TRPM3: variants seen among roughly 807,000 people sequenced by gnomAD.
TRPM3 encodes the protein transient receptor potential cation channel subfamily M member 3, also known as long transient receptor potential channel 3.
A neutral mutation model predicts 181.2 loss-of-function variants in TRPM3; 77 were observed. That is an observed-to-expected ratio of 0.42 (90% CI 0.35 to 0.51). The LOEUF (loss-of-function observed/expected upper bound fraction) is 0.51, where lower values mean the gene tolerates loss of function less well. Among genes scored for constraint, TRPM3 ranks in the 20% least tolerant of loss-of-function variants. TRPM3 has a pLI of 0.01. For missense variants in TRPM3, 1,759 were observed against 2,196.7 expected (o/e 0.80, Z 3.98); for synonymous variants, 745 against 796.4 (o/e 0.94, Z 1.09).
intron 1 of TRPM3, among the ~76,000 whole-genome samples, chr9:71,262,515 G>A (rs1316404944): frequency 3.3e-5 from 5 of 152,160 alleles, no homozygotes; most frequent in African/African-American, 1.2e-4. Flanking sequence ...TCCTTTCCAA[G>A]GGAGTGAACA....
At chr9:71,113,770 C>G (rs748580921) in intron 1 of TRPM3, among the ~76,000 whole-genome samples, 6 of 152,100 alleles carry the variant, frequency 3.9e-5, no homozygotes, top group Admixed American at 6.6e-5. Context: ...CAATTTTTAA[C>G]AATAAAAATG....
chr9:70,579,190 G>A (rs1353417896), intron 22 of TRPM3: 1 of 152,396 alleles, frequency 6.6e-6, no homozygotes, highest in African/African-American at 2.4e-5. Context: ...ATGTTGCCCA[G>A]GCTGGAGTGC....
At chr9:70,571,024 A>G (rs1306654238) in intron 22 of TRPM3, among the ~76,000 whole-genome samples, 1 of 152,202 alleles carries the variant, frequency 6.6e-6, no homozygotes, top group Non-Finnish European at 1.5e-5. Context: ...TGAGCTGGCC[A>G]GAAAATGTCT....
At chr9:70,979,764 T>C (rs28697055) in intron 1 of TRPM3, among the ~76,000 whole-genome samples, 1 of 152,058 alleles carries the variant, frequency 6.6e-6, no homozygotes, top group African/African-American at 2.4e-5. Flanking sequence ...CTCACAGTTC[T>C]GGAGGCTGAA....
chr9:70,984,228 G>A (rs1476736912), intron 1 of TRPM3, among the ~76,000 whole-genome samples: 1 of 152,186 alleles, frequency 6.6e-6, no homozygotes, highest in African/African-American at 2.4e-5. Flanking sequence ...GTCATTGCCT[G>A]CTACATAACA....
At chr9:71,197,004 G>T (rs1376620925) in intron 1 of TRPM3, among the ~76,000 whole-genome samples, 2 of 151,930 alleles carry the variant, frequency 1.3e-5, no homozygotes, top group Admixed American at 6.6e-5. Flanking sequence ...ATCTCCCAAT[G>T]CTATCTCTCC....
chr9:71,104,296 T>C (rs2069024836), intron 1 of TRPM3, among the ~76,000 whole-genome samples: 1 of 152,178 alleles, frequency 6.6e-6, no homozygotes, highest in Non-Finnish European at 1.5e-5. Flanking sequence ...TTGTAAAACT[T>C]CCTGATGTTA....
chr9:70,890,907 A>G (rs1196395354), intron 1 of TRPM3, among the ~76,000 whole-genome samples: 2 of 151,964 alleles, frequency 1.3e-5, no homozygotes, highest in Non-Finnish European at 2.9e-5. Context: ...GGGAACAGCC[A>G]CTCAAGGCTG....
chr9:71,151,340 A>G (rs185671849), intron 1 of TRPM3, among the ~76,000 whole-genome samples: 2 of 152,230 alleles, frequency 1.3e-5, no homozygotes, highest in South Asian at 2.1e-4. Context: ...CACAAAACAC[A>G]ATGAGAGTTC....
At chr9:70,967,475 C>T (rs543855615) in intron 1 of TRPM3, among the ~76,000 whole-genome samples, 1 of 152,016 alleles carries the variant, frequency 6.6e-6, no homozygotes, top group East Asian at 1.9e-4. Context: ...TTTTCTGATC[C>T]AAAGAAATTC....
At position 71,404,096 on chromosome 9, in the gene TRPM3, G is replaced by A. The variant is rs556498367; in HGVS notation, c.183+42557C>T. Among the ~76,000 whole-genome samples, 5 of 152,270 alleles carry A rather than the reference G, an allele frequency of 3.3e-5. No homozygotes were observed. In the South Asian group the frequency reaches 8.3e-4, roughly 25 times the overall value. On this transcript the variant is annotated intron_variant, in intron 1 of 24. Coordinates refer to the TRPM3 transcript ENST00000357533. ...AAGCTTAGCAGGTTACAGAGGAAAC[G>A]AGTCACTCAGCGCCTGGCCATCTTT...
At chr9:71,437,162 T>G (rs549720724) in intron 1 of TRPM3, among the ~76,000 whole-genome samples, 13 of 152,322 alleles carry the variant, frequency 8.5e-5, no homozygotes, top group Admixed American at 2.6e-4. Flanking sequence ...TCTTGACTAT[T>G]ACATGAATTA....
intron 1 of TRPM3, among the ~76,000 whole-genome samples, chr9:71,325,989 C>A (rs111967228): frequency 4.6e-5 from 7 of 152,110 alleles, no homozygotes; most frequent in Admixed American, 1.3e-4. Context: ...ACAGAAGTTT[C>A]TATTAAAGAA....
At chr9:71,400,742 A>C (rs1417838456) in intron 1 of TRPM3, among the ~76,000 whole-genome samples, 2 of 151,834 alleles carry the variant, frequency 1.3e-5, no homozygotes, top group Non-Finnish European at 2.9e-5. Context: ...CCAAAAGCAA[A>C]CGGTTTGGTT....
chr9:71,104,749 A>G (rs767066540), intron 1 of TRPM3, among the ~76,000 whole-genome samples: 1 of 152,164 alleles, frequency 6.6e-6, no homozygotes, highest in African/African-American at 2.4e-5. Context: ...ATTTAACATC[A>G]CATTACTCAT....
chr9:71,345,956 T>A (rs2132635233), intron 1 of TRPM3, among the ~76,000 whole-genome samples: 2 of 152,332 alleles, frequency 1.3e-5, no homozygotes, highest in South Asian at 4.1e-4. Context: ...ACCTTACCAA[T>A]AGTATGCTAT....
intron 1 of TRPM3, among the ~76,000 whole-genome samples, chr9:70,923,718 G>A (rs1287509080): frequency 6.6e-6 from 1 of 151,034 alleles, no homozygotes; most frequent in African/African-American, 2.4e-5. Flanking sequence ...TCTGAAAGCT[G>A]TCCATTTGAT....
chr9:71,311,253 A>T (rs975728640), intron 1 of TRPM3, among the ~76,000 whole-genome samples: 14 of 152,178 alleles, frequency 9.2e-5, no homozygotes, highest in Non-Finnish European at 1.8e-4. Flanking sequence ...TTTCTCCTGT[A>T]CTTATGCTGT....
chr9:71,215,057 A>C (rs1405613585), intron 1 of TRPM3, among the ~76,000 whole-genome samples: 2 of 142,278 alleles, frequency 1.4e-5, no homozygotes, highest in Admixed American at 7.2e-5. Flanking sequence ...CAAAAAAAAA[A>C]AAAAACAACA....
Sources: allele counts gnomAD v4.1 joint callset (sites outside exome capture counted in the v4.1 genomes callset), GRCh38; gene constraint gnomAD v4.1.1; transcripts MANE v1.5; gene names NCBI Gene and HGNC (gene_info 2026-07-23, HGNC 2026-07-21).